The following SNX1 variants were observed in gnomAD, a reference collection of about 807,000 sequenced individuals.
SNX1 encodes the protein sorting nexin-1.
A neutral mutation model predicts 71.8 loss-of-function variants in SNX1; 36 were observed. The observed-to-expected ratio is 0.50, with a 90% CI of 0.38 to 0.66. The LOEUF is 0.66. SNX1 is among the 30% of genes least tolerant of loss of function. The probability of loss-of-function intolerance (pLI) is 0.00; values close to 1 mark genes in which losing one functional copy is unlikely to be tolerated. For missense variants in SNX1, 612 were observed against 646.7 expected, an observed-to-expected ratio of 0.95 and a Z score of 0.58; for synonymous variants, 254 against 240.7, an observed-to-expected ratio of 1.06 and a Z score of -0.51.
chr15:64,118,134 T>A lies in SNX1; in HGVS notation c.289T>A (p.Ser97Thr), dbSNP rs2081151672. 2 of 1,612,736 alleles carry A rather than the reference T, an allele frequency of 1.2e-6. No individual in the cohort carries two copies. The highest frequency in any genetic ancestry group is 2.2e-5 in the South Asian group (2 of 90,976). The change falls in exon 3 of 15, where the codon TCC (serine) becomes ACC (threonine). Residue 97 changes from serine (S) to threonine (T), a missense_variant. Ser to Thr is a moderately conservative substitution (Grantham distance 58). This residue lies in a region of SNX1 where 316 missense variants were observed against 284.9 expected (regional missense o/e 1.11). Transcript: ENST00000559844. ...CATTTTAGATGCCACAGTGGAGCTA[T>A]CCTTGGACAGCACACAAAATAATCA... ...DLFADATVEL[S>T]LDSTQNNQKK...
At position 64,138,426 on chromosome 15, in the gene SNX1, C is replaced by G; in HGVS notation, c.*808C>G. ...CTCAGGGTTCTCTGAGTCTTGCCCT[C>G]TGATGGCAAGTCTTATATATAACTA... On this transcript the variant is annotated 3_prime_UTR_variant, in exon 15 of 15. Transcript: ENST00000559844. The G allele has an allele frequency of 2.1e-6, 1 of 482,488 alleles. No homozygotes were observed. The highest frequency in any genetic ancestry group is 3.6e-6 in the Non-Finnish European group (1 of 277,544). 29.9% of individuals were successfully genotyped at this position (482,488 alleles called of 1,614,324 possible).
rs761270016 is a variant in SNX1, at chr15:64,112,612, C to G, written c.199C>G (p.Pro67Ala). ...TCCAAAGATAACTACATCCCTTCTT[C>G]CCATCAACAATGGCTCCAAAGAAAA... ...QSPKITTSLL[P>A]INNGSKENGI... is the part of the protein sequence containing the mutation. Residue 67 changes from proline (P) to alanine (A), a missense_variant, in exon 2 of 15, where the codon CCC becomes GCC. Pro to Ala is a conservative substitution (Grantham distance 27). Around this residue, in one of 2 missense-constraint regions of SNX1, gnomAD observed 316 missense variants for 284.9 expected, o/e 1.11. Coordinates refer to ENST00000559844, the MANE Select transcript of SNX1 (RefSeq NM_003099.5). 74 of 1,613,018 alleles carry G rather than the reference C, an allele frequency of 4.6e-5. 2 individuals are homozygous for G. In the South Asian group the frequency reaches 8.0e-4, roughly 17 times the overall value.
At chr15:64,099,229 T>C (rs956379956) in intron 1 of SNX1, among the ~76,000 whole-genome samples, 22 of 152,236 alleles carry the variant, frequency 1.4e-4, no homozygotes, top group African/African-American at 4.6e-4. Flanking sequence ...AATTACTCTC[T>C]ACAGTTTCCT....
rs546821264 is a variant in SNX1, at chr15:64,141,962, C to T, written c.*4344C>T. ...CAGACACTGGGCAGACAATGAAACC[C>T]TTTGTAACACATGAGGCAATAGGTT... On this transcript the variant is annotated 3_prime_UTR_variant, in exon 15 of 15. Transcript: ENST00000559844. The surrounding 1 kb of genome is among the most constrained non-coding windows in gnomAD (Gnocchi z 5.1). The T allele has an allele frequency of 2.6e-5, 4 of 152,390 alleles. No individual in the cohort carries two copies. Among genetic ancestry groups the T allele is most frequent in the South Asian group, 4.1e-4 (2 of 4,824 alleles). The allele number at this position is 152,390 out of a possible 1,614,324, so 9.4% of individuals were successfully genotyped here. A position where few individuals can be genotyped will look rare whatever the true frequency, so the allele number is the denominator to read the frequency against.
chr15:64,137,008 C>T (rs1406902313), intron 14 of SNX1, 76 bp downstream of exon 14: 1 of 1,163,836 alleles, frequency 8.6e-7, no homozygotes, highest in Non-Finnish European at 1.3e-6. Context: ...GCTTCTGCAA[C>T]AAGATGTGCA....
chr15:64,133,978 T>C (rs1208547140), intron 11 of SNX1, among the ~76,000 whole-genome samples: 2 of 152,218 alleles, frequency 1.3e-5, no homozygotes, highest in Non-Finnish European at 2.9e-5. Flanking sequence ...GAGGCCTTGG[T>C]AGCCTAGAGC....
chr15:64,127,446 T>G (rs1267787118), intron 7 of SNX1, among the ~76,000 whole-genome samples, 194 bp downstream of exon 7: 1 of 152,210 alleles, frequency 6.6e-6, no homozygotes, highest in Non-Finnish European at 1.5e-5. Context: ...ATCTTCTGTT[T>G]TTTCCCCATC....
chr15:64,127,662 G>A (rs2081267213), intron 7 of SNX1, 69 bp from the exon 8 acceptor site: 1 of 1,110,402 alleles, frequency 9.0e-7, no homozygotes, highest in African/African-American at 1.5e-5. Flanking sequence ...ATCACTGCCA[G>A]CACTGTGTGA....
chr15:64,117,931 T>C (rs1364969718), intron 2 of SNX1, among the ~76,000 whole-genome samples, 186 bp from the exon 3 acceptor site: 1 of 152,272 alleles, frequency 6.6e-6, no homozygotes, highest in African/African-American at 2.4e-5. Flanking sequence ...ACTAAGCCTG[T>C]GCTAGAAGAA....
rs1445731237 is a variant in SNX1 at position 64,138,026 on chromosome 15, G to A, written c.*408G>A. 2.0e-6 allele frequency: 3 copies of A among 1,511,182 alleles called. No individual in the cohort carries two copies. Among genetic ancestry groups the A allele is most frequent in the Non-Finnish European group, 2.6e-6 (3 of 1,138,424 alleles). 93.6% of individuals were successfully genotyped at this position (1,511,182 alleles called of 1,614,324 possible). A position where few individuals can be genotyped will look rare whatever the true frequency, so the allele number is the denominator to read the frequency against. On this transcript the variant is annotated 3_prime_UTR_variant, in exon 15 of 15. Transcript: ENST00000559844. ...ATCAGGTCACATGACTCAGAATGTTGGTGGTTTTTGCTTAGGCTGGGGAGC... is the reference window on the plus strand; with the variant it reads ...ATCAGGTCACATGACTCAGAATGTTAGTGGTTTTTGCTTAGGCTGGGGAGC...
chr15:64,109,473 A>G (rs1484555452), intron 1 of SNX1, among the ~76,000 whole-genome samples: 1 of 151,380 alleles, frequency 6.6e-6, no homozygotes, highest in African/African-American at 2.4e-5. Context: ...AATTTTCACT[A>G]CTCAACCTAG....
Position 64,142,501 on chromosome 15 carries a change from C to A in SNX1, c.*4883C>A. 2.7e-6 allele frequency: 1 copy of A among 366,774 alleles called. No individual in the cohort carries two copies. The highest frequency in any genetic ancestry group is 5.4e-6 in the Non-Finnish European group (1 of 184,384). The allele number at this position is 366,774 out of a possible 1,614,324, so 22.7% of individuals were successfully genotyped here. ...GCCATGTTTGGAAGAAAATGGGGTCCAGAGCACAGGAAGGGGACCTGTGTT... is the reference window on the plus strand; with the variant it reads ...GCCATGTTTGGAAGAAAATGGGGTCAAGAGCACAGGAAGGGGACCTGTGTT... On this transcript the variant is annotated 3_prime_UTR_variant, in exon 15 of 15. Transcript: ENST00000559844.
rs751620305 is a variant in SNX1, at chr15:64,118,852, T to C, written c.464T>C (p.Ile155Thr). 5.6e-6 allele frequency: 9 copies of C among 1,611,466 alleles called. No homozygotes were observed. Among genetic ancestry groups the C allele is most frequent in the Non-Finnish European group, 7.6e-6 (9 of 1,177,944 alleles). The change falls in exon 4 of 15, where the codon ATA becomes ACA. Residue 155 changes from isoleucine (I) to threonine (T), a missense_variant and splice_region_variant. By Grantham distance (89) the Ile-to-Thr change is moderately conservative. Transcript: ENST00000559844. ...GTCGGTATAACTGATCCTGAGAAGA[T>C]AGGTAAGTGGTTCTTAGGACTCCTT... ...LTVGITDPEK[I>T]GDGMNAYVAY...
At chr15:64,126,270 C>T (rs1447913833) in intron 6 of SNX1, 50 bp downstream of exon 6, 3 of 1,586,086 alleles carry the variant, frequency 1.9e-6, no homozygotes, top group East Asian at 2.2e-5. Context: ...TTTGCATTCT[C>T]TCCAAAATTC....
chr15:64,137,585 A>C lies in SNX1; in HGVS notation c.1536A>C (p.Glu512Asp), dbSNP rs766632076. 1.5e-5 allele frequency: 24 copies of C among 1,614,168 alleles called. No homozygotes were observed. In the South Asian group the frequency reaches 2.4e-4, roughly 16 times the overall value. The change falls in exon 15 of 15, where the codon GAA becomes GAC. Residue 512 changes from glutamate to aspartate, a missense_variant. Glu to Asp is a conservative substitution (Grantham distance 45). Transcript: ENST00000559844. ...CTTTGCAGCTGGCAAAGTACTGGGA[A>C]GCCTTCCTTCCTGAGGCAAAGGCCA... ...YSQQQLAKYWEAFLPEAKAIS is the reference protein window; with the variant it reads ...YSQQQLAKYWDAFLPEAKAIS
At position 64,130,806 on chromosome 15, in the gene SNX1, C is replaced by G. The variant is rs556620139; in HGVS notation, c.1015+485C>G. ...GCTGATAATTAGAAATTGAAACAGA[C>G]AGAAGACCCATAGCATGAGGCCAGG... On this transcript the variant is annotated intron_variant, in intron 10 of 14. Transcript: ENST00000559844. Among the ~76,000 whole-genome samples the G allele has an allele frequency of 5.9e-5, 9 of 152,314 alleles. No homozygotes were observed. The South Asian group carries it at 1.2e-3, about 21-fold the overall frequency.
Position 64,120,513 on chromosome 15 carries a change from T to A in SNX1, c.466+1659T>A, listed in dbSNP as rs1028634778. Reference sequence around the variant, plus strand: ...TGGTCTCTGGCCAAAATGGTGGTCATTAAACTATTGATTTTAGGCCAGGTG... The same window carrying A: ...TGGTCTCTGGCCAAAATGGTGGTCAATAAACTATTGATTTTAGGCCAGGTG... On this transcript the variant is annotated intron_variant, in intron 4 of 14. Transcript: ENST00000559844. Among the ~76,000 whole-genome samples, 5 of 152,092 alleles carry A rather than the reference T, an allele frequency of 3.3e-5. No individual in the cohort carries two copies. In the South Asian group the frequency reaches 6.2e-4, roughly 19 times the overall value.
chr15:64,132,046 A>G (rs970669422), intron 11 of SNX1, among the ~76,000 whole-genome samples, 154 bp downstream of exon 11: 4 of 152,356 alleles, frequency 2.6e-5, no homozygotes, highest in African/African-American at 9.6e-5. Context: ...AAACCAAGCA[A>G]TCTATTCACC....
chr15:64,108,309 T>A (rs1230385283), intron 1 of SNX1, among the ~76,000 whole-genome samples: 1 of 152,224 alleles, frequency 6.6e-6, no homozygotes, highest in East Asian at 1.9e-4. Flanking sequence ...GTAAATTCTT[T>A]ATAAAATTTT....
Sources: gnomAD v4.1 joint callset for allele counts (sites outside exome capture counted in the v4.1 genomes callset) on GRCh38, gnomAD v4.1.1 for gene constraint, gnomAD v4.1.1 regional missense constraint, Gnocchi (gnomAD v3.1) non-coding constraint, MANE v1.5 for transcripts, NCBI Gene and HGNC (gene_info 2026-07-23, HGNC 2026-07-21) for gene names.